Variants in INPP5B observed in about 807,000 individuals in gnomAD.
INPP5B encodes inositol polyphosphate-5-phosphatase B.
Under a neutral mutation model 118.5 loss-of-function variants are expected in INPP5B, and 90 were observed. The observed-to-expected ratio is 0.76, with a 90% CI of 0.64 to 0.90. INPP5B has a LOEUF of 0.90. Among genes scored for constraint, INPP5B ranks in the 40% least tolerant of loss-of-function variants. The probability of loss-of-function intolerance (pLI) is 0.00; values close to 1 mark genes in which losing one functional copy is unlikely to be tolerated. For missense variants in INPP5B, 984 were observed against 1,125.6 expected (o/e 0.87, Z 1.80); for synonymous variants, 385 against 418.9 (o/e 0.92, Z 0.99).
intron 9 of INPP5B, among the ~76,000 whole-genome samples, chr1:37,888,777 T>A (rs552517643): frequency 4.1e-4 from 63 of 152,348 alleles, no homozygotes; most frequent in Admixed American, 9.2e-4. Context: ...TATCTTATAG[T>A]CCCAATGCAA....
At chr1:37,932,971 C>CT (rs1645547313) in intron 6 of INPP5B, among the ~76,000 whole-genome samples, 1 of 152,218 alleles carries the variant, frequency 6.6e-6, no homozygotes, top group African/African-American at 2.4e-5. Flanking sequence ...CTCAAACTAT[C>CT]TGACTCTGGA....
intron 7 of INPP5B, among the ~76,000 whole-genome samples, chr1:37,908,183 C>A (rs980385557): frequency 6.6e-6 from 1 of 152,194 alleles, no homozygotes; most frequent in Admixed American, 6.5e-5. Flanking sequence ...GTGGTCTCTT[C>A]ACAAGGATGC....
chr1:37,862,001 A>C lies in INPP5B; in HGVS notation c.*314T>G, dbSNP rs61066412. 2,579 of 217,236 alleles carry C rather than the reference A, an allele frequency of 0.012. 73 individuals are homozygous for C. The highest frequency in any genetic ancestry group is 0.057 in the African/African-American group (2,459 of 42,948). The allele number at this position is 217,236 out of a possible 1,614,324, so 13.5% of individuals were successfully genotyped here. A position where few individuals can be genotyped will look rare whatever the true frequency, so the allele number is the denominator to read the frequency against. On this transcript the variant is annotated 3_prime_UTR_variant, in exon 24 of 24. Transcript: ENST00000373024. ...CAGTGAGCCGAGATCGTGCCACCGC[A>C]CTCCACCCTGCGCGACAGAGCAAAA...
At chr1:37,894,045 T>C (rs372306037) in intron 7 of INPP5B, among the ~76,000 whole-genome samples, 1 of 152,202 alleles carries the variant, frequency 6.6e-6, no homozygotes, top group Non-Finnish European at 1.5e-5. Flanking sequence ...CAGCTGTGAG[T>C]GTGGCTGCAT....
chr1:37,938,390 G>C (rs891039275), intron 6 of INPP5B, among the ~76,000 whole-genome samples: 1 of 152,170 alleles, frequency 6.6e-6, no homozygotes, highest in African/African-American at 2.4e-5. Context: ...CCTAACGCAT[G>C]CCAAATCAAC....
Position 37,912,949 on chromosome 1 carries a change from T to TA in INPP5B, c.532+18963dup, listed in dbSNP as rs35906062. ...ACAGAGGCCTCGACTTACTCACTGCTAAAAAAAAAAAAAAAGGGGGACTCT... is the reference window on the plus strand; with the variant it reads ...ACAGAGGCCTCGACTTACTCACTGCTAAAAAAAAAAAAAAAAGGGGGACTCT... On this transcript the variant is annotated intron_variant, in intron 7 of 23. Coordinates refer to ENST00000373024, the MANE Select transcript of INPP5B (RefSeq NM_005540.3). 8.8e-3 allele frequency among the ~76,000 whole-genome samples: 1,269 copies of TA among 143,546 alleles called. 11 individuals carry two copies. Among genetic ancestry groups the TA allele is most frequent in the Non-Finnish European group, 0.012 (786 of 65,780 alleles). The allele number at this position is 143,546 out of a possible 152,430, so 94.2% of individuals were successfully genotyped here. A position where few individuals can be genotyped will look rare whatever the true frequency, so the allele number is the denominator to read the frequency against.
intron 16 of INPP5B, among the ~76,000 whole-genome samples, chr1:37,877,824 A>G (rs1642936233): frequency 6.6e-6 from 1 of 152,206 alleles, no homozygotes; most frequent in Non-Finnish European, 1.5e-5. Flanking sequence ...CCTAAGACAT[A>G]TTCAGTCAGG....
intron 7 of INPP5B, among the ~76,000 whole-genome samples, chr1:37,903,598 G>A (rs1426162330): frequency 6.6e-6 from 1 of 152,120 alleles, no homozygotes; most frequent in Non-Finnish European, 1.5e-5. Flanking sequence ...ATGGTGGCGG[G>A]TGCCTGTAGT....
intron 7 of INPP5B, 196 bp downstream of exon 7, chr1:37,931,717 C>A (rs754155972): frequency 2.6e-6 from 4 of 1,556,734 alleles, no homozygotes; most frequent in Non-Finnish European, 2.6e-6. Flanking sequence ...AGACATTTCC[C>A]TGCCTGCTTC....
intron 7 of INPP5B, among the ~76,000 whole-genome samples, chr1:37,894,664 C>T (rs1643957361): frequency 6.6e-6 from 1 of 151,156 alleles, no homozygotes; most frequent in Non-Finnish European, 1.5e-5. Context: ...CGGGTTCAAG[C>T]TATTCTCCTG....
chr1:37,945,525 G>A (rs867924766), intron 3 of INPP5B, among the ~76,000 whole-genome samples: 1 of 152,238 alleles, frequency 6.6e-6, no homozygotes, highest in Non-Finnish European at 1.5e-5. Context: ...ATCTGGACTA[G>A]TATGTTAAAC....
At chr1:37,938,770 C>A (rs989083017) in intron 6 of INPP5B, among the ~76,000 whole-genome samples, 1 of 152,154 alleles carries the variant, frequency 6.6e-6, no homozygotes, top group East Asian at 1.9e-4. Flanking sequence ...AATTTGAAAC[C>A]TCTTGGCTGG....
chr1:37,881,901 C>T (rs539885183), intron 14 of INPP5B, among the ~76,000 whole-genome samples: 2 of 152,046 alleles, frequency 1.3e-5, no homozygotes, highest in Non-Finnish European at 2.9e-5. Flanking sequence ...AGTTCGAGAC[C>T]AGCCTGGCCA....
intron 7 of INPP5B, among the ~76,000 whole-genome samples, chr1:37,894,968 T>C (rs1643971142): frequency 6.6e-6 from 1 of 152,252 alleles, no homozygotes; most frequent in Non-Finnish European, 1.5e-5. Context: ...AGAACTAGAA[T>C]GGGTTATGTC....
chr1:37,891,251 C>A, intron 8 of INPP5B, 107 bp downstream of exon 8: 1 of 680,332 alleles, frequency 1.5e-6, no homozygotes, highest in Non-Finnish European at 2.5e-6. Flanking sequence ...AAGGACACTT[C>A]CTAGGCCAGC....
chr1:37,918,402 A>G (rs1041002526), intron 7 of INPP5B, among the ~76,000 whole-genome samples: 5 of 152,130 alleles, frequency 3.3e-5, no homozygotes, highest in African/African-American at 4.8e-5. Flanking sequence ...TAGATTCTTC[A>G]CACATGCCAT....
At chr1:37,925,785 G>T (rs1645205799) in intron 7 of INPP5B, among the ~76,000 whole-genome samples, 1 of 152,106 alleles carries the variant, frequency 6.6e-6, no homozygotes, top group South Asian at 2.1e-4. Flanking sequence ...ATCTTTAGGG[G>T]GTTCTCTTGT....
intron 6 of INPP5B, among the ~76,000 whole-genome samples, chr1:37,938,943 C>A (rs920667001): frequency 6.6e-6 from 1 of 152,014 alleles, no homozygotes; most frequent in Non-Finnish European, 1.5e-5. Flanking sequence ...CCTGTAATCC[C>A]AGCACTTTGG....
intron 6 of INPP5B, among the ~76,000 whole-genome samples, chr1:37,938,335 AAAAGGAGT>A (rs1466306886): frequency 6.6e-6 from 1 of 151,922 alleles, no homozygotes; most frequent in African/African-American, 2.4e-5. Flanking sequence ...AATTTTTTTA[AAAAGGAGT>A]AAATGAGATA....
Sources: gnomAD v4.1 joint callset for allele counts (sites outside exome capture counted in the v4.1 genomes callset) on GRCh38, gnomAD v4.1.1 for gene constraint, MANE v1.5 for transcripts, NCBI Gene and HGNC (gene_info 2026-07-23, HGNC 2026-07-21) for gene names.